VGF: variants seen among roughly 807,000 people sequenced by gnomAD.
VGF encodes the protein neurosecretory protein VGF.
A neutral mutation model predicts 41.1 loss-of-function variants in VGF; 13 were observed. That is an observed-to-expected ratio of 0.32 (90% CI 0.21 to 0.50). The LOEUF (loss-of-function observed/expected upper bound fraction) is 0.50. Among genes scored for constraint, VGF ranks in the 20% least tolerant of loss-of-function variants. The pLI is 0.98. For synonymous variants in VGF, 473 were observed against 418.3 expected (o/e 1.13, Z -1.60); for missense variants, 920 against 882.1 (o/e 1.04, Z -0.54).
At position 101,164,978 on chromosome 7, in the gene VGF, A is replaced by T. The variant is rs1038262147; in HGVS notation, c.-20-115T>A. On this transcript the variant is annotated intron_variant, in intron 1 of 1. Transcript: ENST00000249330. ...AACCCGGGGCTTCCCTGATCCCCCA[A>T]ACCTTACCCAGAAGAGGAACGTTTA... is the stretch of plus-strand genomic sequence containing the variant. The T allele has an allele frequency of 1.1e-5, 15 of 1,398,388 alleles. No individual in the cohort carries two copies. The African/African-American group carries it at 1.9e-4, about 18-fold the overall frequency. The allele number at this position is 1,398,388 out of a possible 1,614,324, so 86.6% of individuals were successfully genotyped here. A position where few individuals can be genotyped will look rare whatever the true frequency, so the allele number is the denominator to read the frequency against.
upstream of VGF, among the ~76,000 whole-genome samples, chr7:101,168,366 C>T (rs2116715436): frequency 6.6e-6 from 1 of 152,266 alleles, no homozygotes; most frequent in Middle Eastern, 3.4e-3. Context: ...TCTGTTTCTG[C>T]CTCTCTCCAT....
chr7:101,166,410 C>T (rs913322400), upstream of VGF, among the ~76,000 whole-genome samples: 3 of 152,076 alleles, frequency 2.0e-5, no homozygotes, highest in African/African-American at 4.8e-5. Context: ...CCCCTTCGGC[C>T]CATCTCTTCC....
upstream of VGF, chr7:101,165,677 G>T (rs564689305): frequency 6.9e-4 from 682 of 984,322 alleles, no homozygotes; most frequent in Non-Finnish European, 8.0e-4. Flanking sequence ...GCGGGCGGCC[G>T]CCCGGAGGAG....
In VGF at chr7:101,164,321, T is replaced by C; in HGVS notation, c.523A>G (p.Lys175Glu). ...ELRDFSPSSA[K>E]RQQETAAAET... ...GCTGCCGCCGTCTCCTGCTGGCGCTTGGCGCTACTTGGACTGAAATCTCGC... is the reference window on the plus strand; with the variant it reads ...GCTGCCGCCGTCTCCTGCTGGCGCTCGGCGCTACTTGGACTGAAATCTCGC... Residue 175 changes from lysine (K) to glutamate (E), a missense_variant, in exon 2 of 2, where the codon AAG becomes GAG. Coordinates refer to ENST00000249330, the MANE Select transcript of VGF (RefSeq NM_003378.4). 1 of 1,611,034 alleles carries C rather than the reference T, an allele frequency of 6.2e-7. No individual in the cohort carries two copies. Among genetic ancestry groups the C allele is most frequent in the Non-Finnish European group, 8.5e-7 (1 of 1,179,870 alleles).
Position 101,162,972 on chromosome 7 carries a change from CG to C in VGF, c.*23del. Reference sequence around the variant, plus strand: ...GGCGCGCGCGCGCGGCGGGGGCGCGCGGGGGCGGGACCGGGAAGGGCAGTCA... The same window carrying C: ...GGCGCGCGCGCGCGGCGGGGGCGCGCGGGGCGGGACCGGGAAGGGCAGTCA... On this transcript the variant is annotated 3_prime_UTR_variant, in exon 2 of 2. Coordinates refer to ENST00000249330, the MANE Select transcript of VGF (RefSeq NM_003378.4). This position sits in a 1 kb window ranked among gnomAD's most constrained non-coding sequence, Gnocchi z 4.2. 2 of 1,220,356 alleles carry C rather than the reference CG, an allele frequency of 1.6e-6. No homozygotes were observed. 75.6% of individuals were successfully genotyped at this position (1,220,356 alleles called of 1,614,324 possible). A position where few individuals can be genotyped will look rare whatever the true frequency, so the allele number is the denominator to read the frequency against.
At chr7:101,165,330 G>C (rs1042275044) in intron 1 of VGF, 44 bp downstream of exon 1, 3 of 985,818 alleles carry the variant, frequency 3.0e-6, no homozygotes, top group Non-Finnish European at 3.6e-6. Flanking sequence ...TCACGCCCAC[G>C]GCTGGCTGCC....
chr7:101,165,556 G>T lies in VGF; in HGVS notation c.-203C>A, dbSNP rs2116710744. ...CGGCTCCGGGCGGCTAGCTCGCTCC[G>T]GCTTCAGCACGCTGGACAGCGCCCG... On this transcript the variant is annotated 5_prime_UTR_variant, in exon 1 of 2. Coordinates refer to ENST00000249330, the MANE Select transcript of VGF (RefSeq NM_003378.4). 2 of 985,422 alleles carry T rather than the reference G, an allele frequency of 2.0e-6. No homozygotes were observed. Among genetic ancestry groups the T allele is most frequent in the Non-Finnish European group, 1.2e-6 (1 of 829,940 alleles). 61.0% of individuals were successfully genotyped at this position (985,422 alleles called of 1,614,324 possible). A position where few individuals can be genotyped will look rare whatever the true frequency, so the allele number is the denominator to read the frequency against.
chr7:101,165,168 C>G lies in VGF; in HGVS notation c.-21+206G>C, dbSNP rs973718049. 14 of 1,067,320 alleles carry G rather than the reference C, an allele frequency of 1.3e-5. No individual in the cohort carries two copies. In the African/African-American group the frequency reaches 2.3e-4, roughly 18 times the overall value. The allele number at this position is 1,067,320 out of a possible 1,614,324, so 66.1% of individuals were successfully genotyped here. ...AGCAATATGGGGGAAAAAAAAATCTCTGCTCCCTCCCCGTAGGACTCCCCG... is the reference window on the plus strand; with the variant it reads ...AGCAATATGGGGGAAAAAAAAATCTGTGCTCCCTCCCCGTAGGACTCCCCG... On this transcript the variant is annotated intron_variant, in intron 1 of 1. Transcript: ENST00000249330.
In VGF at chr7:101,162,984, C is replaced by T. The variant is rs1032220775; in HGVS notation, c.*12G>A. 27 of 1,322,386 alleles carry T rather than the reference C, an allele frequency of 2.0e-5. No individual in the cohort carries two copies. The African/African-American group carries it at 2.9e-4, about 14-fold the overall frequency. 81.9% of individuals were successfully genotyped at this position (1,322,386 alleles called of 1,614,324 possible). ...CGGCGGGGGCGCGCGGGGGCGGGAC[C>T]GGGAAGGGCAGTCACGGGCGCCGGA... is the stretch of plus-strand genomic sequence containing the variant. On this transcript the variant is annotated 3_prime_UTR_variant, in exon 2 of 2. Coordinates refer to ENST00000249330, the MANE Select transcript of VGF (RefSeq NM_003378.4). The surrounding 1 kb of genome is among the most constrained non-coding windows in gnomAD (Gnocchi z 4.2).
Position 101,162,616 on chromosome 7 carries a change from G to A in VGF, c.*380C>T, listed in dbSNP as rs1797124745. 2 of 344,990 alleles carry A rather than the reference G, an allele frequency of 5.8e-6. No individual in the cohort carries two copies. Among genetic ancestry groups the A allele is most frequent in the Non-Finnish European group, 5.7e-6 (1 of 176,908 alleles). 21.4% of individuals were successfully genotyped at this position (344,990 alleles called of 1,614,324 possible). ...GGTCAATTCACAGCGACTTGGAGAG[G>A]CTGGAGGGGCTCGTGGGAGGCCCGA... is the stretch of plus-strand genomic sequence containing the variant. On this transcript the variant is annotated 3_prime_UTR_variant, in exon 2 of 2. Transcript: ENST00000249330. This position sits in a 1 kb window ranked among gnomAD's most constrained non-coding sequence, Gnocchi z 4.2.
chr7:101,163,002 G>A lies in VGF; in HGVS notation c.1842C>T (p.Arg614=). The A allele has an allele frequency of 6.9e-7, 1 of 1,443,776 alleles. No homozygotes were observed. The highest frequency in any genetic ancestry group is 1.5e-5 in the African/African-American group (1 of 67,924). The allele number at this position is 1,443,776 out of a possible 1,614,324, so 89.4% of individuals were successfully genotyped here. ...GCGGGACCGGGAAGGGCAGTCACGG[G>A]CGCCGGAGCAGCACGTGCTCGATGT... ...ENYIEHVLLR[R]P The change falls in exon 2 of 2, where the codon CGC becomes CGT. Residue 614 remains arginine, a synonymous_variant. Transcript: ENST00000249330. This position sits in a 1 kb window ranked among gnomAD's most constrained non-coding sequence, Gnocchi z 5.0.
At position 101,163,108 on chromosome 7, in the gene VGF, C is replaced by G. The variant is rs1298953955; in HGVS notation, c.1736G>C (p.Arg579Pro). The G allele has an allele frequency of 6.3e-6, 10 of 1,581,422 alleles. No homozygotes were observed. Among genetic ancestry groups the G allele is most frequent in the South Asian group, 2.3e-5 (2 of 87,798 alleles). The change falls in exon 2 of 2, where the codon CGG (arginine) becomes CCG (proline). Residue 579 changes from arginine to proline, a missense_variant. By Grantham distance (103) the Arg-to-Pro change is moderately radical. Transcript: ENST00000249330. The surrounding 1 kb of genome is among the most constrained non-coding windows in gnomAD (Gnocchi z 5.0). ...ALPPSRHYPG[R>P]EAQARRAQEE... ...CTGCGCGCGCCGCGCCTGGGCCTCCCGGCCGGGATAGTGGCGCGAAGGCGG... is the reference window on the plus strand; with the variant it reads ...CTGCGCGCGCCGCGCCTGGGCCTCCGGGCCGGGATAGTGGCGCGAAGGCGG...
upstream of VGF, among the ~76,000 whole-genome samples, chr7:101,167,785 T>G (rs80048377): frequency 4.4e-4 from 67 of 151,560 alleles, 1 homozygote; most frequent in East Asian, 3.5e-3. The surrounding 1 kb of genome is among the most constrained non-coding windows in gnomAD (Gnocchi z 4.2). Flanking sequence ...TGTGCATGTG[T>G]GTTTATGTGT....
In VGF at chr7:101,162,733, G is replaced by A. The variant is rs916309784; in HGVS notation, c.*263C>T. The A allele has an allele frequency of 1.9e-5, 11 of 593,984 alleles. No homozygotes were observed. Among genetic ancestry groups the A allele is most frequent in the Middle Eastern group, 2.6e-4 (1 of 3,852 alleles). The allele number at this position is 593,984 out of a possible 1,614,324, so 36.8% of individuals were successfully genotyped here. On this transcript the variant is annotated 3_prime_UTR_variant, in exon 2 of 2. Transcript: ENST00000249330. This position sits in a 1 kb window ranked among gnomAD's most constrained non-coding sequence, Gnocchi z 4.2. ...GTCCCCAGAGGGACTTGATGGGGCC[G>A]GGGCCCCGCGTGGCAAGGGAACTCG...
Position 101,163,314 on chromosome 7 carries a change from G to T in VGF, c.1530C>A (p.Pro510=). The T allele has an allele frequency of 6.9e-7, 1 of 1,442,482 alleles. No homozygotes were observed. The highest frequency in any genetic ancestry group is 9.1e-7 in the Non-Finnish European group (1 of 1,102,698). 89.4% of individuals were successfully genotyped at this position (1,442,482 alleles called of 1,614,324 possible). A position where few individuals can be genotyped will look rare whatever the true frequency, so the allele number is the denominator to read the frequency against. ...CGTCTCGTGCGGGAGCGGGGGCGGG[G>T]GGCGGGGGCTGCGGGGAGCGGACGT... ...PTHVRSPQPP[P]PAPAPARDEL... The change falls in exon 2 of 2, where the codon CCC becomes CCA. Residue 510 remains proline (P), a synonymous_variant. Transcript: ENST00000249330. The surrounding 1 kb of genome is among the most constrained non-coding windows in gnomAD (Gnocchi z 5.0).
rs757783641 is a variant in VGF at position 101,163,070 on chromosome 7, C to T, written c.1774G>A (p.Ala592Thr). The T allele has an allele frequency of 1.9e-6, 3 of 1,573,908 alleles. No individual in the cohort carries two copies. Among genetic ancestry groups the T allele is most frequent in the Admixed American group, 3.6e-5 (2 of 55,252 alleles). Residue 592 changes from alanine (A) to threonine (T), a missense_variant, in exon 2 of 2, where the codon GCG becomes ACG. Around this residue, in one of 3 missense-constraint regions of VGF, gnomAD observed 257 missense variants for 217.2 expected, o/e 1.18. Transcript: ENST00000249330. The surrounding 1 kb of genome is among the most constrained non-coding windows in gnomAD (Gnocchi z 5.0). ...TGCTCCTGCAGCCGGCGCTCCTCCG[C>T]CTCCGCCTCCTCCTGCGCGCGCCGC... ...QARRAQEEAE[A>T]EERRLQEQEE...
chr7:101,166,829 G>T (rs1166563146), upstream of VGF, among the ~76,000 whole-genome samples: 3 of 146,520 alleles, frequency 2.0e-5, no homozygotes, highest in Admixed American at 1.4e-4. Flanking sequence ...GGGTGGCAAG[G>T]GGGGCAGCCA....
In VGF at chr7:101,163,125, C is replaced by A; in HGVS notation, c.1719G>T (p.Ser573=). 6.3e-7 allele frequency: 1 copy of A among 1,585,758 alleles called. No individual in the cohort carries two copies. Among genetic ancestry groups the A allele is most frequent in the Non-Finnish European group, 8.6e-7 (1 of 1,169,260 alleles). Reference sequence around the variant, plus strand: ...GGGCCTCCCGGCCGGGATAGTGGCGCGAAGGCGGCAAGGCGTGGTGGTAGT... The same window carrying A: ...GGGCCTCCCGGCCGGGATAGTGGCGAGAAGGCGGCAAGGCGTGGTGGTAGT... The part of the protein sequence containing the change: ...RRHYHHALPP[S]RHYPGREAQA... Residue 573 remains serine, a synonymous_variant, in exon 2 of 2, where the codon TCG becomes TCT. Coordinates refer to ENST00000249330, the MANE Select transcript of VGF (RefSeq NM_003378.4). The surrounding 1 kb of genome is among the most constrained non-coding windows in gnomAD (Gnocchi z 5.0).
rs1372603058 is a variant in VGF, at chr7:101,163,747, T to G, written c.1097A>C (p.Glu366Ala). 48 of 1,531,322 alleles carry G rather than the reference T, an allele frequency of 3.1e-5. No individual in the cohort carries two copies. Among genetic ancestry groups the G allele is most frequent in the Non-Finnish European group, 3.9e-5 (45 of 1,143,956 alleles). The allele number at this position is 1,531,322 out of a possible 1,614,324, so 94.9% of individuals were successfully genotyped here. A position where few individuals can be genotyped will look rare whatever the true frequency, so the allele number is the denominator to read the frequency against. ...EERESAREEE[E>A]AEQERRGGEE... is the part of the protein sequence containing the mutation. ...CCCGCCGCGTCTCTCCTGCTCCGCC[T>G]CCTCCTCCTCCCTTGCACTCTCTCG... Residue 366 changes from glutamate (E) to alanine (A), a missense_variant, in exon 2 of 2, where the codon GAG (glutamate) becomes GCG (alanine). Physicochemically the swap from Glu to Ala is moderately radical, Grantham distance 107. Transcript: ENST00000249330. The surrounding 1 kb of genome is among the most constrained non-coding windows in gnomAD (Gnocchi z 5.0).
Sources: gnomAD v4.1 joint callset for allele counts (sites outside exome capture counted in the v4.1 genomes callset) on GRCh38, gnomAD v4.1.1 for gene constraint, gnomAD v4.1.1 regional missense constraint, Gnocchi (gnomAD v3.1) non-coding constraint, MANE v1.5 for transcripts, NCBI Gene and HGNC (gene_info 2026-07-23, HGNC 2026-07-21) for gene names.